Variants in DNAJC11 observed in about 807,000 individuals in gnomAD.
The protein encoded by DNAJC11 is dnaJ homolog subfamily C member 11.
Under a neutral mutation model 78.6 loss-of-function variants are expected in DNAJC11, and 15 were observed. The ratio of observed to expected loss-of-function variants is 0.19; its 90% CI spans 0.13 to 0.29. The LOEUF (loss-of-function observed/expected upper bound fraction) is 0.29. DNAJC11 is among the 10% of genes least tolerant of loss of function. The pLI is 1.00. For synonymous variants in DNAJC11, 292 were observed against 272.1 expected, an observed-to-expected ratio of 1.07 and a Z score of -0.72; for missense variants, 547 against 709.6, an observed-to-expected ratio of 0.77 and a Z score of 2.60.
chr1:6,651,195 C>T (rs372836136), intron 7 of DNAJC11: 16 of 570,214 alleles, frequency 2.8e-5, no homozygotes, highest in African/African-American at 5.6e-5. Context: ...GACAATGGAA[C>T]GATCCATAAG....
chr1:6,698,508 C>T (rs899600483), intron 1 of DNAJC11, among the ~76,000 whole-genome samples: 4 of 151,862 alleles, frequency 2.6e-5, no homozygotes, highest in Admixed American at 6.6e-5. Flanking sequence ...CATTTAACAC[C>T]GAGTTTGCTG....
chr1:6,669,513 TAGAAAAGAAAAGAAAAGAAAAGAAA>T (rs60740818), intron 3 of DNAJC11, among the ~76,000 whole-genome samples: 31 of 121,782 alleles, frequency 2.5e-4, no homozygotes, highest in South Asian at 5.8e-4. Flanking sequence ...AACTCTGTCT[TAGAAAAGAAAAGAAAAGAAAAGAAA>T]AGAAAAGAAA....
At chr1:6,643,267 G>A (rs1038090538) in intron 10 of DNAJC11, among the ~76,000 whole-genome samples, 4 of 144,778 alleles carry the variant, frequency 2.8e-5, no homozygotes, top group Non-Finnish European at 4.5e-5. Context: ...GGATGCAAGC[G>A]AAAACAGACA....
chr1:6,650,866 C>A (rs536164461), intron 7 of DNAJC11, among the ~76,000 whole-genome samples: 2 of 152,156 alleles, frequency 1.3e-5, no homozygotes, highest in Non-Finnish European at 2.9e-5. Flanking sequence ...CAGAGCAAGA[C>A]CCTGTCTCCA....
intron 1 of DNAJC11, among the ~76,000 whole-genome samples, chr1:6,692,418 C>T (rs1426180776): frequency 6.6e-6 from 1 of 151,334 alleles, no homozygotes; most frequent in Non-Finnish European, 1.5e-5. Context: ...CACAACTATC[C>T]TATCTTTACC....
intron 12 of DNAJC11, 25 bp from the exon 13 acceptor site, chr1:6,637,529 G>T: frequency 1.2e-6 from 2 of 1,613,992 alleles, no homozygotes; most frequent in Non-Finnish European, 1.7e-6. Context: ...GGATGACACA[G>T]TCAGGGCCCT....
At chr1:6,644,157 GTC>G (rs1381475794) in intron 10 of DNAJC11, among the ~76,000 whole-genome samples, 1 of 151,482 alleles carries the variant, frequency 6.6e-6, no homozygotes, top group East Asian at 1.9e-4. Context: ...TTGAGACGGA[GTC>G]TCACTGTCCT....
intron 1 of DNAJC11, among the ~76,000 whole-genome samples, chr1:6,689,928 C>T (rs1422380989): frequency 6.6e-6 from 1 of 152,158 alleles, no homozygotes; most frequent in Non-Finnish European, 1.5e-5. Context: ...AATGCATTTA[C>T]ACAGATTTAC....
intron 10 of DNAJC11, among the ~76,000 whole-genome samples, chr1:6,642,453 T>C (rs769428088): frequency 6.6e-6 from 1 of 152,034 alleles, no homozygotes; most frequent in African/African-American, 2.4e-5. Flanking sequence ...TTTTGAGATA[T>C]GTATGATTTG....
chr1:6,687,294 C>T lies in DNAJC11; in HGVS notation c.73-6257G>A, dbSNP rs532402282. Among the ~76,000 whole-genome samples the T allele has an allele frequency of 7.9e-5, 12 of 151,602 alleles. 1 individual carries two copies. The South Asian group carries it at 2.5e-3, about 32-fold the overall frequency. On this transcript the variant is annotated intron_variant, in intron 1 of 15. Transcript: ENST00000377577. ...TGGACTTGGTAAAAAAAAAAAAATT[C>T]CCTATTTCATTTTGTAAAGGTTCCA...
intron 1 of DNAJC11, among the ~76,000 whole-genome samples, chr1:6,694,891 C>T (rs374309083): frequency 6.7e-6 from 1 of 149,122 alleles, no homozygotes; most frequent in South Asian, 2.1e-4. Flanking sequence ...AGGAGAATGG[C>T]GTGAACCCGG....
intron 3 of DNAJC11, among the ~76,000 whole-genome samples, chr1:6,672,795 C>T (rs1251794928): frequency 6.6e-6 from 1 of 152,210 alleles, no homozygotes; most frequent in Non-Finnish European, 1.5e-5. Flanking sequence ...CATCTGGGAA[C>T]ACAGCATCCA....
At chr1:6,638,451 C>T in intron 11 of DNAJC11, 87 bp from the exon 12 acceptor site, 1 of 1,294,326 alleles carries the variant, frequency 7.7e-7, no homozygotes, top group Non-Finnish European at 1.1e-6. Flanking sequence ...GGACCCGAGC[C>T]CAGCAAACAG....
At chr1:6,649,985 G>T (rs893568963) in intron 7 of DNAJC11, among the ~76,000 whole-genome samples, 1 of 151,838 alleles carries the variant, frequency 6.6e-6, no homozygotes, top group African/African-American at 2.4e-5. Flanking sequence ...TGATAAGAAA[G>T]TTATTCATGC....
chr1:6,645,674 A>G lies in DNAJC11; in HGVS notation c.894+115T>C. ...GAGAGCCTGCCCCTCAGGGCCCTGT[A>G]TGGGCTTAGACTTAGTGGTGATCAG... On this transcript the variant is annotated intron_variant, in intron 8 of 15. Transcript: ENST00000377577. This position sits in a 1 kb window ranked among gnomAD's most constrained non-coding sequence, Gnocchi z 4.1. The G allele has an allele frequency of 8.3e-7, 1 of 1,206,310 alleles. No homozygotes were observed. The highest frequency in any genetic ancestry group is 1.5e-5 in the African/African-American group (1 of 66,272). 74.7% of individuals were successfully genotyped at this position (1,206,310 alleles called of 1,614,324 possible).
intron 1 of DNAJC11, among the ~76,000 whole-genome samples, chr1:6,689,083 A>G (rs1642702072): frequency 6.6e-6 from 1 of 152,192 alleles, no homozygotes; most frequent in African/African-American, 2.4e-5. Context: ...TTTGACCCTG[A>G]CCCAAGAAAT....
At chr1:6,640,904 T>C (rs1469642447) in intron 10 of DNAJC11, among the ~76,000 whole-genome samples, 1 of 152,082 alleles carries the variant, frequency 6.6e-6, no homozygotes, top group African/African-American at 2.4e-5. Flanking sequence ...AAAGGAAATT[T>C]ACAGATGCAA....
intron 3 of DNAJC11, among the ~76,000 whole-genome samples, chr1:6,674,274 G>A (rs566382339): frequency 1.3e-5 from 2 of 152,036 alleles, no homozygotes; most frequent in South Asian, 4.2e-4. Flanking sequence ...AAAAAAAAGT[G>A]GGGGGGCTGG....
intron 4 of DNAJC11, among the ~76,000 whole-genome samples, chr1:6,657,760 T>A (rs966490152): frequency 6.6e-6 from 1 of 152,202 alleles, no homozygotes. Flanking sequence ...TTCTCCTGCC[T>A]CAGCCTCCCG....
Sources: gnomAD v4.1 joint callset for allele counts (sites outside exome capture counted in the v4.1 genomes callset) on GRCh38, gnomAD v4.1.1 for gene constraint, Gnocchi (gnomAD v3.1) non-coding constraint, MANE v1.5 for transcripts, NCBI Gene and HGNC (gene_info 2026-07-23, HGNC 2026-07-21) for gene names.